Variants in KNDC1 observed in about 807,000 individuals in gnomAD.
The protein encoded by KNDC1 is kinase non-catalytic C-lobe domain-containing protein 1.
Under a neutral mutation model 172.8 loss-of-function variants are expected in KNDC1, and 106 were observed. That is an observed-to-expected ratio of 0.61 (90% CI 0.52 to 0.72). The LOEUF is 0.72. Ranked by LOEUF, KNDC1 falls within the 30% of genes least tolerant of loss-of-function variation. The probability of loss-of-function intolerance (pLI) is 0.00; values close to 1 mark genes in which losing one functional copy is unlikely to be tolerated. For synonymous variants in KNDC1, 1,083 were observed against 1,062.2 expected, an observed-to-expected ratio of 1.02 and a Z score of -0.38; for missense variants, 2,325 against 2,394.5, an observed-to-expected ratio of 0.97 and a Z score of 0.61.
At position 133,189,658 on chromosome 10, in the gene KNDC1, C is replaced by A; in HGVS notation, c.1502C>A (p.Pro501His). ...GACGGGGCTGTGCTCTTCCAGCCAC[C>A]CCCTGCCAACGGTGAGTGTGTGGGT... is the stretch of plus-strand genomic sequence containing the variant. ...AEDGAVLFQP[P>H]PANGSYDSFF... Residue 501 changes from proline (P) to histidine (H), a missense_variant, in exon 8 of 30, where the codon CCC becomes CAC. By Grantham distance (77) the Pro-to-His change is moderately conservative (BLOSUM62 -2). Transcript: ENST00000304613. The A allele has an allele frequency of 6.2e-7, 1 of 1,613,948 alleles. No individual in the cohort carries two copies. Among genetic ancestry groups the A allele is most frequent in the Non-Finnish European group, 8.5e-7 (1 of 1,179,994 alleles).
At chr10:133,212,982 C>T (rs1254930462) in intron 24 of KNDC1, 60 bp downstream of exon 24, 45 of 1,457,782 alleles carry the variant, frequency 3.1e-5, no homozygotes, top group Admixed American at 5.8e-5. Flanking sequence ...AGAAACACTC[C>T]GCGCCCATAG....
rs368355947 is a variant in KNDC1 at position 133,195,624 on chromosome 10, A to G, written c.1576-39A>G. ...AGGTCTGCTGGGCACAGCAGCCCAC[A>G]GCCCTGCGGTAGACACTATTCTCTC... On this transcript the variant is annotated intron_variant, in intron 9 of 29. Transcript: ENST00000304613. 44 of 1,486,448 alleles carry G rather than the reference A, an allele frequency of 3.0e-5. 1 individual carries two copies. The African/African-American group carries it at 5.4e-4, about 18-fold the overall frequency. 92.1% of individuals were successfully genotyped at this position (1,486,448 alleles called of 1,614,324 possible).
chr10:133,185,089 T>TA (rs1853850957), intron 5 of KNDC1, among the ~76,000 whole-genome samples: 1 of 152,282 alleles, frequency 6.6e-6, no homozygotes, highest in Non-Finnish European at 1.5e-5. Flanking sequence ...AGTCTCATGG[T>TA]GGCCGGCAGG....
intron 6 of KNDC1, among the ~76,000 whole-genome samples, chr10:133,187,567 G>T (rs1589751498): frequency 6.6e-6 from 1 of 152,206 alleles, no homozygotes. Context: ...GTGCCCCGTC[G>T]CCCTCCACCA....
rs144474272 is a variant in KNDC1, at chr10:133,166,157, C to G, written c.103-1224C>G. ...GGGACCGGAGGCAGGAGGTGCCTCT[C>G]AGGACATCAGCCCAGTGGCTCCAGT... On this transcript the variant is annotated intron_variant, in intron 1 of 29. Transcript: ENST00000304613. Among the ~76,000 whole-genome samples the G allele has an allele frequency of 7.5e-3, 1,148 of 152,296 alleles. 15 individuals carry two copies. The highest frequency in any genetic ancestry group is 0.026 in the African/African-American group (1,095 of 41,568).
intron 6 of KNDC1, 22 bp downstream of exon 6, chr10:133,186,696 G>A (rs1853930095): frequency 2.0e-6 from 3 of 1,536,378 alleles, no homozygotes; most frequent in African/African-American, 1.4e-5. Context: ...GGTCTTGTGT[G>A]TGGGTGGAGG....
chr10:133,199,311 A>C lies in KNDC1; in HGVS notation c.2758+45A>C, dbSNP rs754263712. ...GCCCCAGAGGAGGCCCGGGCCAGGG[A>C]GAGCCCCACAGGGGACTCGGGGCCG... On this transcript the variant is annotated intron_variant, in intron 14 of 29. Transcript: ENST00000304613. 2.1e-5 allele frequency: 32 copies of C among 1,543,032 alleles called. No homozygotes were observed. The African/African-American group carries it at 4.4e-4, about 21-fold the overall frequency.
intron 25 of KNDC1, 91 bp from the exon 26 acceptor site, chr10:133,213,881 G>T: frequency 6.4e-7 from 1 of 1,552,008 alleles, no homozygotes; most frequent in South Asian, 1.1e-5. Flanking sequence ...CTCGTGGCCC[G>T]ACCCCAGCCC....
chr10:133,216,973 G>A (rs1418432762), intron 26 of KNDC1, among the ~76,000 whole-genome samples: 1 of 152,284 alleles, frequency 6.6e-6, no homozygotes, highest in Non-Finnish European at 1.5e-5. Context: ...GGCGCCTGGA[G>A]GCGCAAGATT....
rs1448184236 is a variant in KNDC1 at position 133,195,832 on chromosome 10, C to T, written c.1734+11C>T. On this transcript the variant is annotated intron_variant, in intron 10 of 29. Transcript: ENST00000304613. ...GCTGAGGCCATCAAGGTAACCACAC[C>T]ACAGTCATGGCCCCAGCCCAGGGTC... is the stretch of plus-strand genomic sequence containing the variant. The T allele has an allele frequency of 6.5e-7, 1 of 1,540,164 alleles. No homozygotes were observed. The highest frequency in any genetic ancestry group is 1.4e-5 in the African/African-American group (1 of 72,558).
chr10:133,186,176 G>C lies in KNDC1; in HGVS notation c.828G>C (p.Glu276Asp). ...GAAATGGCGAGAGCCACAGCCGGGA[G>C]GGGCTGGCCGGCCTCGTCCTGGATG... ...PVRNGESHSR[E>D]GLAGLVLDAE... The change falls in exon 6 of 30, where the codon GAG (glutamate) becomes GAC (aspartate). Residue 276 changes from glutamate to aspartate, a missense_variant. By Grantham distance (45) the Glu-to-Asp change is conservative (BLOSUM62 2). Coordinates refer to ENST00000304613, the MANE Select transcript of KNDC1 (RefSeq NM_152643.8). The C allele has an allele frequency of 6.3e-7, 1 of 1,576,342 alleles. No homozygotes were observed. The highest frequency in any genetic ancestry group is 8.6e-7 in the Non-Finnish European group (1 of 1,161,004).
rs759407643 is a variant in KNDC1 at position 133,224,683 on chromosome 10, G to C, written c.5043G>C (p.Gln1681His). 3 of 1,614,072 alleles carry C rather than the reference G, an allele frequency of 1.9e-6. No homozygotes were observed. Among genetic ancestry groups the C allele is most frequent in the Non-Finnish European group, 1.7e-6 (2 of 1,180,014 alleles). Residue 1681 changes from glutamine (Q) to histidine (H), a missense_variant, in exon 30 of 30, where the codon CAG becomes CAC. Physicochemically the swap from Gln to His is conservative, Grantham distance 24. Coordinates refer to ENST00000304613, the MANE Select transcript of KNDC1 (RefSeq NM_152643.8). This position sits in a 1 kb window ranked among gnomAD's most constrained non-coding sequence, Gnocchi z 5.4. ...GGAACATCGCAAAGGTGGTGAGCCA[G>C]GTGCACGCGTTCCAGGAGAACCCTT... ...KLRNIAKVVS[Q>H]VHAFQENPYT...
In KNDC1 at chr10:133,211,972, C is replaced by T. The variant is rs141207083; in HGVS notation, c.4236+114C>T. On this transcript the variant is annotated intron_variant, in intron 23 of 29. Coordinates refer to ENST00000304613, the MANE Select transcript of KNDC1 (RefSeq NM_152643.8). ...ACACATACACACAAGTGCAAATGGG[C>T]ACAGCTGTATACATGCATACACATA... 6.1e-4 allele frequency: 627 copies of T among 1,030,978 alleles called. 3 individuals carry two copies. In the African/African-American group the frequency reaches 9.0e-3, roughly 15 times the overall value. 63.9% of individuals were successfully genotyped at this position (1,030,978 alleles called of 1,614,324 possible).
rs1012443305 is a variant in KNDC1 at position 133,193,063 on chromosome 10, AAAAG to A, written c.1576-2598_1576-2595del. Among the ~76,000 whole-genome samples the A allele has an allele frequency of 2.5e-4, 37 of 150,518 alleles. 1 individual carries two copies. Among genetic ancestry groups the A allele is most frequent in the Admixed American group, 3.3e-4 (5 of 15,018 alleles). On this transcript the variant is annotated intron_variant, in intron 9 of 29. Transcript: ENST00000304613. Reference sequence around the variant, plus strand: ...AAAATAAAAATAAAAATAAAAAACAAAAAGAGAGAGAAACAGCAGCTTACATATA... The same window carrying A: ...AAAATAAAAATAAAAATAAAAAACAAAGAGAGAAACAGCAGCTTACATATA...
chr10:133,206,265 C>T (rs1303425112), intron 17 of KNDC1, among the ~76,000 whole-genome samples: 1 of 152,242 alleles, frequency 6.6e-6, no homozygotes, highest in Non-Finnish European at 1.5e-5. Flanking sequence ...ACACGGGATG[C>T]ACGTTGGGGA....
rs112782282 is a variant in KNDC1, at chr10:133,175,634, A to G, written c.360+7322A>G. Among the ~76,000 whole-genome samples the G allele has an allele frequency of 2.7e-3, 357 of 132,606 alleles. 2 individuals are homozygous for G. The highest frequency in any genetic ancestry group is 9.0e-3 in the African/African-American group (320 of 35,376). 87.0% of individuals were successfully genotyped at this position (132,606 alleles called of 152,430 possible). A position where few individuals can be genotyped will look rare whatever the true frequency, so the allele number is the denominator to read the frequency against. On this transcript the variant is annotated intron_variant, in intron 3 of 29. Coordinates refer to ENST00000304613, the MANE Select transcript of KNDC1 (RefSeq NM_152643.8). ...GGATGAACAGGCAGATGGATTGATG[A>G]GTGTATGAATTGATGGGTGGATAGA...
intron 3 of KNDC1, among the ~76,000 whole-genome samples, chr10:133,176,111 T>C (rs1439823976): frequency 6.7e-6 from 1 of 149,762 alleles, no homozygotes; most frequent in Non-Finnish European, 1.5e-5. Context: ...CATGGATTGA[T>C]AGGTGTATGA....
Position 133,188,568 on chromosome 10 carries a change from G to A in KNDC1, c.1356G>A (p.Gln452=), listed in dbSNP as rs1589752336. Residue 452 remains glutamine (Q), a synonymous_variant, in exon 7 of 30, where the codon CAG becomes CAA. Coordinates refer to ENST00000304613, the MANE Select transcript of KNDC1 (RefSeq NM_152643.8). Reference sequence around the variant, plus strand: ...TGTCCCTGCAGGACCTCCTGTCCCAGCTGGGCCGGCCCTTCCGGGAGTACG... The same window carrying A: ...TGTCCCTGCAGGACCTCCTGTCCCAACTGGGCCGGCCCTTCCGGGAGTACG... ...QWVSLQDLLS[Q]LGRPFREYEL... 6.3e-7 allele frequency: 1 copy of A among 1,583,618 alleles called. No homozygotes were observed. Among genetic ancestry groups the A allele is most frequent in the East Asian group, 2.3e-5 (1 of 43,712 alleles).
rs757070419 is a variant in KNDC1, at chr10:133,160,579, C to G, written c.102+10C>G. ...CCTCCCCGAGGACGAGGTGAGCCCC[C>G]GGCCCCACTGGGGGGCCCCTTCCGC... On this transcript the variant is annotated intron_variant, in intron 1 of 29. Transcript: ENST00000304613. 7.1e-6 allele frequency: 11 copies of G among 1,551,248 alleles called. No homozygotes were observed. The South Asian group carries it at 8.3e-5, about 12-fold the overall frequency.
Sources: allele counts gnomAD v4.1 joint callset (sites outside exome capture counted in the v4.1 genomes callset), GRCh38; gene constraint gnomAD v4.1.1; non-coding constraint Gnocchi (gnomAD v3.1); transcripts MANE v1.5; gene names NCBI Gene and HGNC (gene_info 2026-07-23, HGNC 2026-07-21).